ME1: variants seen among roughly 807,000 people sequenced by gnomAD.
ME1 encodes NADP-dependent malic enzyme.
ME1 carries 74 observed loss-of-function variants against 66.4 expected under a neutral mutation model. The ratio of observed to expected loss-of-function variants is 1.11; its 90% CI spans 0.92 to 1.35. The LOEUF (loss-of-function observed/expected upper bound fraction) is 1.35, where lower values mean the gene tolerates loss of function less well. ME1 is among the 40% of genes most tolerant of loss of function. The pLI, the probability that ME1 is intolerant of heterozygous loss-of-function variation, is 0.00. For synonymous variants in ME1, 251 were observed against 235.6 expected (o/e 1.07, Z -0.60); for missense variants, 750 against 694.1 (o/e 1.08, Z -0.90).
At chr6:83,278,767 A>G (rs1415144852) in intron 6 of ME1, among the ~76,000 whole-genome samples, 1 of 152,054 alleles carries the variant, frequency 6.6e-6, no homozygotes, top group Non-Finnish European at 1.5e-5. Flanking sequence ...CCTATTTATC[A>G]TTTTTTAAAA....
At chr6:83,405,970 C>G (rs1483257021) in intron 2 of ME1, among the ~76,000 whole-genome samples, 1 of 152,162 alleles carries the variant, frequency 6.6e-6, no homozygotes, top group Non-Finnish European at 1.5e-5. Context: ...ATCCGCCCAC[C>G]TCGGCCTCCC....
chr6:83,412,026 A>G (rs1412723772), intron 1 of ME1, among the ~76,000 whole-genome samples: 1 of 152,188 alleles, frequency 6.6e-6, no homozygotes, highest in Non-Finnish European at 1.5e-5. Flanking sequence ...AAATGAAAAG[A>G]AAATTCCTGA....
intron 2 of ME1, among the ~76,000 whole-genome samples, chr6:83,403,121 C>T (rs1351406630): frequency 6.6e-6 from 1 of 152,140 alleles, no homozygotes; most frequent in East Asian, 1.9e-4. Context: ...AAACATCACC[C>T]AAGGATTTGG....
At chr6:83,312,623 T>C (rs1249378630) in intron 6 of ME1, among the ~76,000 whole-genome samples, 3 of 152,124 alleles carry the variant, frequency 2.0e-5, no homozygotes, top group East Asian at 3.8e-4. Context: ...TTAGTGTCCA[T>C]GTAAGTATCT....
chr6:83,228,679 C>T, intron 10 of ME1, 147 bp downstream of exon 10: 1 of 553,668 alleles, frequency 1.8e-6, no homozygotes, highest in East Asian at 3.0e-5. Context: ...AGTTAAAAAT[C>T]TAGGTCTCTA....
chr6:83,238,072 A>T (rs907365881), intron 8 of ME1, among the ~76,000 whole-genome samples: 5 of 152,192 alleles, frequency 3.3e-5, no homozygotes, highest in African/African-American at 1.2e-4. Flanking sequence ...TGTTAATACA[A>T]CCAAGATTTG....
chr6:83,413,681 C>A (rs1770094921), intron 1 of ME1, among the ~76,000 whole-genome samples: 1 of 152,042 alleles, frequency 6.6e-6, no homozygotes, highest in Admixed American at 6.6e-5. Context: ...TTTACATCTA[C>A]ATTAAGAGAA....
chr6:83,263,462 C>T (rs1766932427), intron 6 of ME1, among the ~76,000 whole-genome samples: 1 of 152,044 alleles, frequency 6.6e-6, no homozygotes, highest in South Asian at 2.1e-4. Flanking sequence ...GTTGTGAATG[C>T]AAAGGAAAAG....
chr6:83,304,837 T>C (rs1292117292), intron 6 of ME1, among the ~76,000 whole-genome samples: 1 of 152,208 alleles, frequency 6.6e-6, no homozygotes, highest in Non-Finnish European at 1.5e-5. Flanking sequence ...ATACAAATTT[T>C]GTTGTAGCTT....
chr6:83,276,580 T>C (rs994764839), intron 6 of ME1, among the ~76,000 whole-genome samples: 4 of 152,188 alleles, frequency 2.6e-5, no homozygotes, highest in South Asian at 2.1e-4. Flanking sequence ...GAAAACCTCT[T>C]GCTCCATACA....
intron 2 of ME1, among the ~76,000 whole-genome samples, chr6:83,407,180 A>G (rs1450682622): frequency 3.3e-5 from 5 of 152,218 alleles, no homozygotes; most frequent in African/African-American, 1.2e-4. Context: ...TTAGTACCTT[A>G]GTAAGAAAGA....
At chr6:83,427,720 T>A (rs907992842) in intron 1 of ME1, among the ~76,000 whole-genome samples, 3 of 151,694 alleles carry the variant, frequency 2.0e-5, no homozygotes, top group Non-Finnish European at 4.4e-5. Context: ...GAAAAAAAAA[T>A]ACAACTTATG....
chr6:83,382,191 C>T (rs909952859), intron 3 of ME1, among the ~76,000 whole-genome samples: 3 of 152,062 alleles, frequency 2.0e-5, no homozygotes, highest in African/African-American at 7.2e-5. Flanking sequence ...ATAACACAAA[C>T]AGTACTCATG....
intron 6 of ME1, among the ~76,000 whole-genome samples, chr6:83,254,261 A>G (rs540845274): frequency 8.5e-5 from 13 of 152,358 alleles, no homozygotes; most frequent in African/African-American, 3.1e-4. Flanking sequence ...CTATTTGGCT[A>G]TAATGTGGTA....
At chr6:83,375,606 C>G (rs1769273430) in intron 3 of ME1, among the ~76,000 whole-genome samples, 3 of 152,082 alleles carry the variant, frequency 2.0e-5, no homozygotes, top group Admixed American at 2.0e-4. Context: ...TCCTGATTGC[C>G]CTGGCCAGAA....
At chr6:83,225,116 T>C (rs570853088) in intron 11 of ME1, among the ~76,000 whole-genome samples, 3 of 147,578 alleles carry the variant, frequency 2.0e-5, no homozygotes, top group South Asian at 4.2e-4. Flanking sequence ...GCAGGAGAAC[T>C]GCTTGAAACT....
chr6:83,222,927 C>T (rs1790120079), intron 12 of ME1, among the ~76,000 whole-genome samples: 1 of 152,168 alleles, frequency 6.6e-6, no homozygotes, highest in Admixed American at 6.5e-5. Context: ...ACAGAGCTCA[C>T]TTCTCCTATT....
chr6:83,331,964 C>T (rs944111333), intron 5 of ME1, among the ~76,000 whole-genome samples: 8 of 152,004 alleles, frequency 5.3e-5, no homozygotes, highest in Admixed American at 2.0e-4. Flanking sequence ...GAAAAACAGA[C>T]ATATAATCAA....
intron 13 of ME1, among the ~76,000 whole-genome samples, 184 bp from the exon 14 acceptor site, chr6:83,212,278 A>G (rs1197504123): frequency 6.6e-6 from 1 of 152,232 alleles, no homozygotes. Flanking sequence ...TATAAATCAT[A>G]TAGTGAGAGA....
Sources: allele counts gnomAD v4.1 joint callset (sites outside exome capture counted in the v4.1 genomes callset), GRCh38; gene constraint gnomAD v4.1.1; transcripts MANE v1.5; gene names NCBI Gene and HGNC (gene_info 2026-07-23, HGNC 2026-07-21).